Variants in LRP1B observed in about 807,000 individuals in gnomAD.
LRP1B encodes low-density lipoprotein receptor-related protein 1B.
LRP1B carries 217 observed loss-of-function variants against 556.6 expected under a neutral mutation model. That is an observed-to-expected ratio of 0.39 (90% CI 0.35 to 0.44). LRP1B has a LOEUF of 0.44. LRP1B is among the 20% of genes least tolerant of loss of function. The pLI is 1.00. For synonymous variants in LRP1B, 2,047 were observed against 1,865.8 expected, an observed-to-expected ratio of 1.10 and a Z score of -2.50; for missense variants, 5,053 against 5,620.8, an observed-to-expected ratio of 0.90 and a Z score of 3.23.
intron 2 of LRP1B, among the ~76,000 whole-genome samples, chr2:141,515,120 T>C (rs1446591128): frequency 2.6e-5 from 4 of 152,052 alleles, no homozygotes; most frequent in Admixed American, 6.6e-5. Context: ...TTGACCAACA[T>C]GGAGAAACCC....
chr2:140,323,683 C>T (rs1443491056), intron 81 of LRP1B, among the ~76,000 whole-genome samples: 1 of 151,626 alleles, frequency 6.6e-6, no homozygotes, highest in East Asian at 1.9e-4. Context: ...GAAAACATGG[C>T]CAAATGCTGA....
chr2:141,344,179 C>T (rs1688166356), intron 3 of LRP1B, among the ~76,000 whole-genome samples: 1 of 152,050 alleles, frequency 6.6e-6, no homozygotes, highest in Non-Finnish European at 1.5e-5. Flanking sequence ...CTGTCATGTC[C>T]CCTTGGCTGG....
chr2:141,556,336 C>G (rs886159903), intron 2 of LRP1B, among the ~76,000 whole-genome samples: 1 of 151,910 alleles, frequency 6.6e-6, no homozygotes, highest in Non-Finnish European at 1.5e-5. Flanking sequence ...TGGCAAGTGT[C>G]TTTTGTGAAA....
intron 7 of LRP1B, among the ~76,000 whole-genome samples, chr2:141,180,419 C>G (rs1199477398): frequency 6.6e-6 from 1 of 151,532 alleles, no homozygotes; most frequent in Non-Finnish European, 1.5e-5. Context: ...GCTATTTGCA[C>G]AAACACTTCA....
chr2:140,295,805 T>A (rs147717519), intron 84 of LRP1B, among the ~76,000 whole-genome samples: 1 of 151,954 alleles, frequency 6.6e-6, no homozygotes, highest in Non-Finnish European at 1.5e-5. Context: ...GTGACTGTGA[T>A]AGCAATTTTA....
At chr2:141,666,733 T>A (rs1574216721) in intron 2 of LRP1B, among the ~76,000 whole-genome samples, 1 of 152,186 alleles carries the variant, frequency 6.6e-6, no homozygotes, top group African/African-American at 2.4e-5. Flanking sequence ...TTACTTCCTC[T>A]ACTCATAGTC....
intron 1 of LRP1B, among the ~76,000 whole-genome samples, chr2:142,079,241 G>A (rs1182092904): frequency 6.6e-6 from 1 of 152,072 alleles, no homozygotes; most frequent in Non-Finnish European, 1.5e-5. Flanking sequence ...TTTTTTCACA[G>A]ATATAAGCAC....
At chr2:140,482,355 A>G (rs1436997665) in intron 59 of LRP1B, among the ~76,000 whole-genome samples, 1 of 152,200 alleles carries the variant, frequency 6.6e-6, no homozygotes, top group Non-Finnish European at 1.5e-5. Flanking sequence ...ATGATTAACT[A>G]AAGTGACACC....
intron 2 of LRP1B, among the ~76,000 whole-genome samples, chr2:141,582,927 C>G (rs1407933898): frequency 1.4e-5 from 2 of 145,714 alleles, no homozygotes; most frequent in East Asian, 4.1e-4. Context: ...CCTCCGCCTC[C>G]TGGGTTCACG....
At chr2:141,171,775 C>T (rs1373941285) in intron 7 of LRP1B, among the ~76,000 whole-genome samples, 1 of 151,960 alleles carries the variant, frequency 6.6e-6, no homozygotes, top group Admixed American at 6.6e-5. Context: ...CCTCTCCAAG[C>T]CTCATCTTTA....
At chr2:140,332,607 G>A (rs1680871360) in intron 79 of LRP1B, among the ~76,000 whole-genome samples, 1 of 152,088 alleles carries the variant, frequency 6.6e-6, no homozygotes, top group Middle Eastern at 3.4e-3. Context: ...CAGCCCCAAG[G>A]CCAATTAATG....
intron 7 of LRP1B, among the ~76,000 whole-genome samples, chr2:141,103,608 T>G (rs370813071): frequency 4.0e-5 from 6 of 151,116 alleles, no homozygotes; most frequent in African/African-American, 1.5e-4. Flanking sequence ...TATTTACCAG[T>G]AGCTATGTTT....
intron 2 of LRP1B, among the ~76,000 whole-genome samples, chr2:141,698,291 C>T (rs149624832): frequency 6.6e-6 from 1 of 151,532 alleles, no homozygotes; most frequent in Non-Finnish European, 1.5e-5. Flanking sequence ...ATCTTCCTAC[C>T]GAGTAGAAAG....
At chr2:140,536,558 G>A (rs2105002943) in intron 46 of LRP1B, 23 bp downstream of exon 46, 1 of 1,585,778 alleles carries the variant, frequency 6.3e-7, no homozygotes, top group South Asian at 1.2e-5. Flanking sequence ...TCTGAAACGA[G>A]CAAACCCATA....
intron 2 of LRP1B, among the ~76,000 whole-genome samples, chr2:141,521,118 G>A (rs1054246479): frequency 6.6e-6 from 1 of 152,064 alleles, no homozygotes; most frequent in African/African-American, 2.4e-5. Context: ...CATCATTTCT[G>A]TGCTGAAAAC....
intron 41 of LRP1B, among the ~76,000 whole-genome samples, chr2:140,603,916 G>C (rs1682767778): frequency 6.6e-6 from 1 of 151,988 alleles, no homozygotes; most frequent in African/African-American, 2.4e-5. Context: ...TCTCAATTTT[G>C]TGATTATTTA....
chr2:141,390,623 A>T (rs1281386678), intron 3 of LRP1B, among the ~76,000 whole-genome samples: 1 of 152,226 alleles, frequency 6.6e-6, no homozygotes, highest in Non-Finnish European at 1.5e-5. Flanking sequence ...GTACTGATAC[A>T]TTCTACAACA....
At chr2:141,253,769 TAC>T (rs149458676) in intron 4 of LRP1B, among the ~76,000 whole-genome samples, 2 of 151,186 alleles carry the variant, frequency 1.3e-5, no homozygotes, top group African/African-American at 4.8e-5. Flanking sequence ...ATCCCCTGAA[TAC>T]ACACACACAC....
chr2:140,651,064 G>C (rs1282582688), intron 41 of LRP1B, among the ~76,000 whole-genome samples: 1 of 151,992 alleles, frequency 6.6e-6, no homozygotes, highest in African/African-American at 2.4e-5. Flanking sequence ...GTATCACTCT[G>C]AAAAGAGCAC....
Sources: gnomAD v4.1 joint callset for allele counts (sites outside exome capture counted in the v4.1 genomes callset) on GRCh38, gnomAD v4.1.1 for gene constraint, MANE v1.5 for transcripts, NCBI Gene and HGNC (gene_info 2026-07-23, HGNC 2026-07-21) for gene names.